TBC1D22A: variants seen among roughly 807,000 people sequenced by gnomAD.
TBC1D22A encodes TBC1 domain family member 22A.
Under a neutral mutation model 60.2 loss-of-function variants are expected in TBC1D22A, and 38 were observed. That is an observed-to-expected ratio of 0.63 (90% CI 0.49 to 0.83). TBC1D22A has a LOEUF of 0.83. TBC1D22A is among the 40% of genes least tolerant of loss of function. TBC1D22A has a pLI of 0.00. For synonymous variants in TBC1D22A, 302 were observed against 281.7 expected, an observed-to-expected ratio of 1.07 and a Z score of -0.72; for missense variants, 628 against 701.0, an observed-to-expected ratio of 0.90 and a Z score of 1.18.
At chr22:47,144,448 G>T (rs1390123416) in intron 12 of TBC1D22A, among the ~76,000 whole-genome samples, 2 of 152,218 alleles carry the variant, frequency 1.3e-5, no homozygotes, top group East Asian at 1.9e-4. Context: ...ACTTTGGGGG[G>T]CCCTGAGGCC....
chr22:47,062,798 T>A (rs2063623070), intron 11 of TBC1D22A, among the ~76,000 whole-genome samples: 1 of 152,152 alleles, frequency 6.6e-6, no homozygotes, highest in African/African-American at 2.4e-5. Flanking sequence ...TTAATCCAGA[T>A]GAACCTGCAG....
At chr22:46,799,696 T>C (rs979713315) in intron 4 of TBC1D22A, among the ~76,000 whole-genome samples, 3 of 152,372 alleles carry the variant, frequency 2.0e-5, no homozygotes, top group East Asian at 1.9e-4. Flanking sequence ...CTTGACACTT[T>C]AGCAGAGCAC....
intron 12 of TBC1D22A, among the ~76,000 whole-genome samples, chr22:47,146,152 CAG>C (rs144890363): frequency 0.025 from 3,754 of 149,774 alleles, 112 homozygotes; most frequent in African/African-American, 0.082. Flanking sequence ...TCCCTTAAAA[CAG>C]GGGTTGACTG....
At chr22:46,809,867 G>C (rs571421868) in intron 4 of TBC1D22A, among the ~76,000 whole-genome samples, 2 of 151,918 alleles carry the variant, frequency 1.3e-5, no homozygotes, top group Non-Finnish European at 2.9e-5. Context: ...CTATATAGAT[G>C]GCATTTGTTG....
intron 8 of TBC1D22A, among the ~76,000 whole-genome samples, chr22:46,937,591 A>AT (rs923415657): frequency 3.3e-5 from 5 of 151,944 alleles, no homozygotes; most frequent in African/African-American, 1.2e-4. Context: ...CTAAAAAAAA[A>AT]GTTATTTAAA....
intron 11 of TBC1D22A, among the ~76,000 whole-genome samples, chr22:47,090,739 AG>A (rs1271326966): frequency 1.4e-5 from 2 of 138,306 alleles, no homozygotes; most frequent in African/African-American, 5.5e-5. Context: ...GGCCTCGCAG[AG>A]GGGGTGGCTG....
intron 12 of TBC1D22A, among the ~76,000 whole-genome samples, chr22:47,170,950 C>T (rs567114139): frequency 1.3e-4 from 20 of 152,292 alleles, no homozygotes; most frequent in Admixed American, 3.9e-4. Flanking sequence ...AAATGGAGAG[C>T]GCAGCTCCGG....
intron 4 of TBC1D22A, among the ~76,000 whole-genome samples, chr22:46,861,025 A>G (rs918796672): frequency 4.6e-5 from 7 of 152,104 alleles, no homozygotes; most frequent in Non-Finnish European, 8.8e-5. Context: ...GCCCTGGTCA[A>G]TCTTGGCTCA....
At chr22:46,800,775 T>A (rs966669909) in intron 4 of TBC1D22A, among the ~76,000 whole-genome samples, 2 of 152,246 alleles carry the variant, frequency 1.3e-5, no homozygotes, top group African/African-American at 4.8e-5. Context: ...CTTTTTATCT[T>A]CTCACTTGAT....
At chr22:46,860,638 C>T (rs1363525080) in intron 4 of TBC1D22A, among the ~76,000 whole-genome samples, 8 of 151,864 alleles carry the variant, frequency 5.3e-5, no homozygotes, top group Non-Finnish European at 1.2e-4. Context: ...TGCTGTGCCC[C>T]TTCCCGGAAC....
intron 12 of TBC1D22A, among the ~76,000 whole-genome samples, chr22:47,128,915 T>C (rs1174809763): frequency 6.6e-6 from 1 of 152,218 alleles, no homozygotes; most frequent in Non-Finnish European, 1.5e-5. Context: ...AACAGGACCG[T>C]CAGCAGAGTG....
At position 46,775,634 on chromosome 22, in the gene TBC1D22A, T is replaced by C. The variant is rs801627; in HGVS notation, c.62+12786T>C. Among the ~76,000 whole-genome samples the C allele has an allele frequency of 9.4e-3, 1,430 of 152,310 alleles. 27 individuals are homozygous for C. Among genetic ancestry groups the C allele is most frequent in the African/African-American group, 0.033 (1,383 of 41,558 alleles). Reference sequence around the variant, plus strand: ...GGCCGCATTTTGTTTTCTCTTAGAATTAATCTCTATAGTGAGTTAGTTTTG... The same window carrying C: ...GGCCGCATTTTGTTTTCTCTTAGAACTAATCTCTATAGTGAGTTAGTTTTG... On this transcript the variant is annotated intron_variant, in intron 1 of 12. Coordinates refer to ENST00000337137, the MANE Select transcript of TBC1D22A (RefSeq NM_014346.5).
chr22:46,823,744 G>C (rs540455619), intron 4 of TBC1D22A, among the ~76,000 whole-genome samples: 1 of 152,202 alleles, frequency 6.6e-6, no homozygotes, highest in Admixed American at 6.5e-5. Flanking sequence ...TGCCTTCTCC[G>C]GAACTCTTGA....
intron 12 of TBC1D22A, among the ~76,000 whole-genome samples, chr22:47,140,945 T>C (rs2067061446): frequency 6.6e-6 from 1 of 152,254 alleles, no homozygotes; most frequent in African/African-American, 2.4e-5. Flanking sequence ...CTAGGACCGC[T>C]CTGGCTTGTT....
At chr22:46,983,869 G>A (rs932991831) in intron 9 of TBC1D22A, among the ~76,000 whole-genome samples, 6 of 152,046 alleles carry the variant, frequency 3.9e-5, no homozygotes, top group African/African-American at 1.4e-4. Flanking sequence ...ATGATTTTTA[G>A]TGTAGATCAC....
chr22:47,072,560 C>G (rs1339692178), intron 11 of TBC1D22A, among the ~76,000 whole-genome samples: 2 of 152,234 alleles, frequency 1.3e-5, no homozygotes, highest in Non-Finnish European at 2.9e-5. Flanking sequence ...GGCCACACCC[C>G]TGTTAGCACC....
chr22:46,844,848 G>A (rs1417858098), intron 4 of TBC1D22A, among the ~76,000 whole-genome samples: 1 of 152,188 alleles, frequency 6.6e-6, no homozygotes, highest in Non-Finnish European at 1.5e-5. Flanking sequence ...AGTGGAGAGT[G>A]GTAGGAGACT....
chr22:47,028,267 G>A lies in TBC1D22A; in HGVS notation c.1202-8804G>A, dbSNP rs1029895389. On this transcript the variant is annotated intron_variant, in intron 10 of 12. Transcript: ENST00000337137. This position sits in a 1 kb window ranked among gnomAD's most constrained non-coding sequence, Gnocchi z 4.4. ...ACCATTTCTTTACAACCTGCCAGGAGGATTTATTTCATTCTGCACTCATGT... is the reference window on the plus strand; with the variant it reads ...ACCATTTCTTTACAACCTGCCAGGAAGATTTATTTCATTCTGCACTCATGT... Among the ~76,000 whole-genome samples the A allele has an allele frequency of 2.6e-5, 4 of 152,212 alleles. No homozygotes were observed. The highest frequency in any genetic ancestry group is 9.7e-5 in the African/African-American group (4 of 41,450).
chr22:46,909,934 T>C (rs556854064), intron 7 of TBC1D22A, among the ~76,000 whole-genome samples: 1 of 152,320 alleles, frequency 6.6e-6, no homozygotes, highest in South Asian at 2.1e-4. Context: ...GCCCTGCTTC[T>C]TCATCTCCCT....
Sources: allele counts gnomAD v4.1 joint callset (sites outside exome capture counted in the v4.1 genomes callset), GRCh38; gene constraint gnomAD v4.1.1; non-coding constraint Gnocchi (gnomAD v3.1); transcripts MANE v1.5; gene names NCBI Gene and HGNC (gene_info 2026-07-23, HGNC 2026-07-21).